The following NCOA3 variants were observed in gnomAD, a reference collection of about 807,000 sequenced individuals.
NCOA3 encodes the protein nuclear receptor coactivator 3.
NCOA3 carries 51 observed loss-of-function variants against 158.8 expected under a neutral mutation model. That is an observed-to-expected ratio of 0.32 (90% confidence interval 0.26 to 0.41). The LOEUF (loss-of-function observed/expected upper bound fraction) is 0.41. NCOA3 is among the 10% of genes least tolerant of loss of function. The pLI, the probability that NCOA3 is intolerant of heterozygous loss-of-function variation, is 1.00. For synonymous variants in NCOA3, 537 were observed against 592.4 expected (o/e 0.91, Z 1.36); for missense variants, 1,510 against 1,746.6 (o/e 0.86, Z 2.41).
intron 2 of NCOA3, among the ~76,000 whole-genome samples, chr20:47,611,473 G>A (rs2086041497): frequency 6.6e-6 from 1 of 152,126 alleles, no homozygotes; most frequent in South Asian, 2.1e-4. Flanking sequence ...AACCCCAGAG[G>A]TAAAAAATGG....
At chr20:47,551,408 C>T (rs941627416) in intron 1 of NCOA3, among the ~76,000 whole-genome samples, 10 of 152,092 alleles carry the variant, frequency 6.6e-5, no homozygotes. Flanking sequence ...GACACATTCC[C>T]ATCTTTCAAG....
intron 3 of NCOA3, among the ~76,000 whole-genome samples, chr20:47,623,600 C>A (rs2086274764): frequency 6.6e-6 from 1 of 152,052 alleles, no homozygotes; most frequent in African/African-American, 2.4e-5. Context: ...CCAGCCTGAC[C>A]AACATGGTGA....
At chr20:47,625,058 C>A (rs548173057) in intron 4 of NCOA3, among the ~76,000 whole-genome samples, 3 of 152,286 alleles carry the variant, frequency 2.0e-5, no homozygotes, top group Admixed American at 2.0e-4. Context: ...CAGGTGTGAG[C>A]CACCGCGCTG....
At chr20:47,639,516 A>G (rs963143277) in intron 14 of NCOA3, 61 bp from the exon 15 acceptor site, 4 of 1,585,866 alleles carry the variant, frequency 2.5e-6, no homozygotes, top group South Asian at 2.3e-5. Context: ...CTGTACTTAC[A>G]TGGTATAAGA....
At chr20:47,506,999 G>A (rs754289964) in intron 1 of NCOA3, among the ~76,000 whole-genome samples, 1 of 152,106 alleles carries the variant, frequency 6.6e-6, no homozygotes, top group Non-Finnish European at 1.5e-5. Flanking sequence ...TCTTGGCCTG[G>A]GTATCACACA....
rs565661116 is a variant in NCOA3, at chr20:47,543,657, G to A, written c.-98-39526G>A. 3.1e-4 allele frequency among the ~76,000 whole-genome samples: 47 copies of A among 151,990 alleles called. 1 individual carries two copies. In the South Asian group the frequency reaches 8.3e-3, roughly 27 times the overall value. Reference sequence around the variant, plus strand: ...CCCGAGTAGCTGGGACTACTGGTGCGCACCACCACGCCTGGCTCAGTTTTG... The same window carrying A: ...CCCGAGTAGCTGGGACTACTGGTGCACACCACCACGCCTGGCTCAGTTTTG... On this transcript the variant is annotated intron_variant, in intron 1 of 22. Coordinates refer to ENST00000371998, the MANE Select transcript of NCOA3 (RefSeq NM_181659.3).
chr20:47,569,776 C>T (rs1187842688), intron 1 of NCOA3, among the ~76,000 whole-genome samples: 7 of 151,924 alleles, frequency 4.6e-5, no homozygotes, highest in Non-Finnish European at 7.4e-5. Context: ...TTTGGGAGGC[C>T]GAGGAGGGCG....
chr20:47,576,762 C>T (rs2085378994), intron 1 of NCOA3, among the ~76,000 whole-genome samples: 1 of 152,186 alleles, frequency 6.6e-6, no homozygotes, highest in Non-Finnish European at 1.5e-5. Context: ...AAATTGAAAC[C>T]ACTGTAAACT....
In NCOA3 at chr20:47,516,152, C is replaced by T. The variant is rs181207132; in HGVS notation, c.-99+14133C>T. Among the ~76,000 whole-genome samples the T allele has an allele frequency of 1.2e-4, 19 of 152,172 alleles. No homozygotes were observed. In the East Asian group the frequency reaches 3.1e-3, roughly 25 times the overall value. On this transcript the variant is annotated intron_variant, in intron 1 of 22. Coordinates refer to ENST00000371998, the MANE Select transcript of NCOA3 (RefSeq NM_181659.3). ...AATTGTTCCAAACTCATAAAATGCA[C>T]GATACCAGGAGTAAACTCTAATGTG...
Position 47,525,743 on chromosome 20 carries a change from C to T in NCOA3, c.-99+23724C>T, listed in dbSNP as rs1218526806. Among the ~76,000 whole-genome samples, 190 of 105,704 alleles carry T rather than the reference C, an allele frequency of 1.8e-3. 1 individual carries two copies. Among genetic ancestry groups the T allele is most frequent in the Non-Finnish European group, 1.9e-3 (104 of 54,046 alleles). The allele number at this position is 105,704 out of a possible 152,430, so 69.3% of individuals were successfully genotyped here. On this transcript the variant is annotated intron_variant, in intron 1 of 22. Coordinates refer to ENST00000371998, the MANE Select transcript of NCOA3 (RefSeq NM_181659.3). ...CCCCCCACCTCCATCCCGGAGGGGG[C>T]GGCTGGCCGGGCGGGGGGCTGACCC...
At chr20:47,613,416 G>T (rs1202416362) in intron 2 of NCOA3, among the ~76,000 whole-genome samples, 1 of 147,578 alleles carries the variant, frequency 6.8e-6, no homozygotes, top group Admixed American at 6.8e-5. Flanking sequence ...CTAGTAATTG[G>T]TAGTGACATT....
At chr20:47,540,034 A>T (rs191540533) in intron 1 of NCOA3, among the ~76,000 whole-genome samples, 2 of 152,304 alleles carry the variant, frequency 1.3e-5, no homozygotes, top group East Asian at 3.9e-4. Context: ...AGAGAGGAGG[A>T]AATTGAAGCT....
At chr20:47,597,063 T>C (rs1185967033) in intron 2 of NCOA3, among the ~76,000 whole-genome samples, 1 of 152,198 alleles carries the variant, frequency 6.6e-6, no homozygotes, top group African/African-American at 2.4e-5. Flanking sequence ...TACAAAATAT[T>C]TACCAACCTT....
chr20:47,580,019 T>C (rs979505703), intron 1 of NCOA3, among the ~76,000 whole-genome samples: 3 of 152,178 alleles, frequency 2.0e-5, no homozygotes, highest in East Asian at 3.8e-4. Context: ...AGTTTGATCA[T>C]TTAGATTCCA....
intron 1 of NCOA3, among the ~76,000 whole-genome samples, chr20:47,559,042 G>A (rs1356771922): frequency 6.6e-6 from 1 of 150,952 alleles, no homozygotes; most frequent in Non-Finnish European, 1.5e-5. Context: ...CTCTATTAGG[G>A]TTCTTTTCCA....
At chr20:47,559,331 CCTT>C (rs2085062920) in intron 1 of NCOA3, among the ~76,000 whole-genome samples, 1 of 152,024 alleles carries the variant, frequency 6.6e-6, no homozygotes, top group South Asian at 2.1e-4. Context: ...GTTCTCCAGG[CCTT>C]CTTATACAAC....
intron 8 of NCOA3, among the ~76,000 whole-genome samples, chr20:47,629,391 A>AT (rs1445553787): frequency 6.6e-6 from 1 of 150,944 alleles, no homozygotes; most frequent in Non-Finnish European, 1.5e-5. Flanking sequence ...GTGCAATGGC[A>AT]TGATCTCAGC....
At chr20:47,532,983 G>A (rs1439331936) in intron 1 of NCOA3, among the ~76,000 whole-genome samples, 1 of 151,622 alleles carries the variant, frequency 6.6e-6, no homozygotes, top group African/African-American at 2.4e-5. Flanking sequence ...GCGGGCGCCT[G>A]TAATCCCAGC....
chr20:47,502,561 C>T (rs945912726), intron 1 of NCOA3, among the ~76,000 whole-genome samples: 4 of 151,682 alleles, frequency 2.6e-5, no homozygotes, highest in Non-Finnish European at 5.9e-5. Context: ...ACGAATTGTC[C>T]GCGGAATTTT....
Sources: gnomAD v4.1 joint callset for allele counts (sites outside exome capture counted in the v4.1 genomes callset) on GRCh38, gnomAD v4.1.1 for gene constraint, MANE v1.5 for transcripts, NCBI Gene and HGNC (gene_info 2026-07-23, HGNC 2026-07-21) for gene names.